Variants in ECHDC1 observed in about 807,000 individuals in gnomAD.
ECHDC1 encodes ethylmalonyl-CoA decarboxylase.
ECHDC1 carries 29 observed loss-of-function variants against 29.7 expected under a neutral mutation model. The observed-to-expected ratio is 0.98, with a 90% CI of 0.73 to 1.33. The LOEUF is 1.33. Ranked by LOEUF, ECHDC1 falls within the 40% of genes most tolerant of loss-of-function variation. The pLI is 0.00. For synonymous variants in ECHDC1, 126 were observed against 123.1 expected (o/e 1.02, Z -0.15); for missense variants, 328 against 350.0 (o/e 0.94, Z 0.50).
chr6:127,318,710 C>T (rs1026544988), intron 3 of ECHDC1, among the ~76,000 whole-genome samples: 1 of 152,152 alleles, frequency 6.6e-6, no homozygotes, highest in African/African-American at 2.4e-5. Context: ...CCTTCCCCCT[C>T]CTCAGACGCT....
At chr6:127,301,488 C>T (rs1781050288) in intron 5 of ECHDC1, among the ~76,000 whole-genome samples, 2 of 152,064 alleles carry the variant, frequency 1.3e-5, no homozygotes, top group African/African-American at 4.8e-5. Context: ...TGAAAGCTTT[C>T]GGTGTTTTTT....
chr6:127,308,846 T>C (rs1381550055), intron 5 of ECHDC1, among the ~76,000 whole-genome samples: 1 of 152,044 alleles, frequency 6.6e-6, no homozygotes, highest in East Asian at 1.9e-4. Context: ...ATCAAAACAG[T>C]AATCCCATTT....
chr6:127,313,694 A>AG (rs1411870059), intron 5 of ECHDC1: 5 of 422,354 alleles, frequency 1.2e-5, no homozygotes, highest in African/African-American at 8.2e-5. Context: ...TGGCAAGGCC[A>AG]GGGTTAGCCC....
intron 5 of ECHDC1, among the ~76,000 whole-genome samples, chr6:127,292,756 C>T (rs1470624227): frequency 6.6e-6 from 1 of 152,000 alleles, no homozygotes; most frequent in Non-Finnish European, 1.5e-5. Context: ...CAGGATTATA[C>T]ACTAATTCTT....
chr6:127,332,979 G>C (rs1237289094), intron 1 of ECHDC1, among the ~76,000 whole-genome samples: 1 of 152,144 alleles, frequency 6.6e-6, no homozygotes, highest in African/African-American at 2.4e-5. Context: ...TTTTAGTAAA[G>C]ACAGAGTTTC....
At chr6:127,310,414 T>C (rs960636485) in intron 5 of ECHDC1, among the ~76,000 whole-genome samples, 4 of 152,126 alleles carry the variant, frequency 2.6e-5, no homozygotes, top group African/African-American at 9.7e-5. Context: ...AAAGTTGTTT[T>C]CAATCCTCAT....
chr6:127,319,350 T>C (rs1782652149), intron 3 of ECHDC1, among the ~76,000 whole-genome samples: 3 of 152,312 alleles, frequency 2.0e-5, no homozygotes, highest in South Asian at 4.1e-4. Flanking sequence ...CTAGTAATGA[T>C]TAAGTTATGG....
intron 5 of ECHDC1, among the ~76,000 whole-genome samples, chr6:127,303,856 G>C (rs1422390165): frequency 6.6e-6 from 1 of 152,182 alleles, no homozygotes; most frequent in Non-Finnish European, 1.5e-5. Context: ...ATGTCTTGTG[G>C]TCTGAGTTAC....
At chr6:127,317,350 T>TTA (rs1782470703) in intron 3 of ECHDC1, among the ~76,000 whole-genome samples, 1 of 152,050 alleles carries the variant, frequency 6.6e-6, no homozygotes, top group Non-Finnish European at 1.5e-5. Flanking sequence ...TTTTTGGAAG[T>TTA]CTCATCTACT....
intron 3 of ECHDC1, among the ~76,000 whole-genome samples, chr6:127,325,337 G>C (rs1179568019): frequency 2.0e-5 from 3 of 152,222 alleles, no homozygotes; most frequent in East Asian, 1.9e-4. Context: ...TAAAGGTACT[G>C]TGGTGTCCCG....
chr6:127,317,135 C>T (rs1167614441), intron 3 of ECHDC1, among the ~76,000 whole-genome samples: 1 of 152,012 alleles, frequency 6.6e-6, no homozygotes, highest in Non-Finnish European at 1.5e-5. Context: ...CTCCATAACA[C>T]GTAGTATCTT....
chr6:127,333,666 T>TACAC (rs10523734), intron 1 of ECHDC1, among the ~76,000 whole-genome samples: 8,923 of 127,976 alleles, frequency 0.07, 441 homozygotes, highest in Non-Finnish European at 0.098. Flanking sequence ...CTCTTTCTCT[T>TACAC]ACACACACAC....
chr6:127,342,652 T>G, intron 1 of ECHDC1: 2 of 388,622 alleles, frequency 5.1e-6, no homozygotes. Flanking sequence ...GAGCAACAAC[T>G]GCTATACAGG....
chr6:127,331,927 C>T, intron 1 of ECHDC1: 2 of 966,724 alleles, frequency 2.1e-6, no homozygotes, highest in Non-Finnish European at 2.5e-6. Context: ...CCCCAAGGTT[C>T]TGTCACTTTT....
chr6:127,299,705 T>C (rs1780905462), intron 5 of ECHDC1, among the ~76,000 whole-genome samples: 1 of 152,190 alleles, frequency 6.6e-6, no homozygotes, highest in African/African-American at 2.4e-5. Context: ...ATTTTTTATG[T>C]GTAAAAGTAA....
intron 3 of ECHDC1, among the ~76,000 whole-genome samples, chr6:127,322,211 C>A (rs181180291): frequency 4.6e-5 from 7 of 152,200 alleles, no homozygotes; most frequent in Admixed American, 3.9e-4. Context: ...GAGGCTGAAG[C>A]AGGAGAATCA....
At chr6:127,308,334 T>C (rs1452078474) in intron 5 of ECHDC1, among the ~76,000 whole-genome samples, 1 of 152,172 alleles carries the variant, frequency 6.6e-6, no homozygotes, top group Non-Finnish European at 1.5e-5. Flanking sequence ...GATGCAAGGA[T>C]GGTTCAACAT....
At chr6:127,333,666 TACAC>T (rs10523734) in intron 1 of ECHDC1, among the ~76,000 whole-genome samples, 12,211 of 127,910 alleles carry the variant, frequency 0.095, 567 homozygotes, top group South Asian at 0.12. Context: ...CTCTTTCTCT[TACAC>T]ACACACACAC....
rs183324139 is a variant in ECHDC1, at chr6:127,291,994, T to C, written c.498-1717A>G. Among the ~76,000 whole-genome samples, 158 of 152,232 alleles carry C rather than the reference T, an allele frequency of 1.0e-3. 3 individuals are homozygous for C. The highest frequency in any genetic ancestry group is 4.2e-3 in the Admixed American group (64 of 15,268). On this transcript the variant is annotated intron_variant, in intron 5 of 5. Transcript: ENST00000454859. The stretch of plus-strand genomic sequence containing the variant: ...ACAATATTGTAAGAGGAGTACTGCC[T>C]TGTTAAAACAATATCAAAAGGAATA...
Sources: allele counts gnomAD v4.1 joint callset (sites outside exome capture counted in the v4.1 genomes callset), GRCh38; gene constraint gnomAD v4.1.1; transcripts MANE v1.5; gene names NCBI Gene and HGNC (gene_info 2026-07-23, HGNC 2026-07-21).